SHISA9: variants seen among roughly 807,000 people sequenced by gnomAD.
SHISA9 encodes protein shisa-9.
In SHISA9, 13 loss-of-function variants were observed where a neutral mutation model predicts 38.0. The ratio of observed to expected loss-of-function variants is 0.34; its 90% confidence interval spans 0.22 to 0.54. The LOEUF (loss-of-function observed/expected upper bound fraction) is 0.54. SHISA9 is among the 20% of genes least tolerant of loss of function. The pLI is 0.91. For missense variants in SHISA9, 538 were observed against 575.8 expected (o/e 0.93, Z 0.67); for synonymous variants, 275 against 242.0 (o/e 1.14, Z -1.27).
At chr16:13,534,769 A>G in the SHISA9 span, among the ~76,000 whole-genome samples, 1 of 151,982 alleles carries the variant, frequency 6.6e-6, no homozygotes. Context: ...AAATGTTCCA[A>G]GGTGTAGTCG....
intron 2 of SHISA9, among the ~76,000 whole-genome samples, chr16:13,170,202 CAAAA>C (rs71147788): frequency 2.2e-5 from 2 of 91,990 alleles, no homozygotes. Context: ...GACTCCATCT[CAAAA>C]AAAAAAAAAA....
chr16:13,421,213 G>GACT, the SHISA9 span, among the ~76,000 whole-genome samples: 1 of 151,724 alleles, frequency 6.6e-6, no homozygotes, highest in Non-Finnish European at 1.5e-5. Flanking sequence ...TGTTATTACT[G>GACT]ACAAGTACTT....
chr16:13,476,738 G>GGTTTTTTTTTTTTTTTTTTTTTTTTTTT, the SHISA9 span, among the ~76,000 whole-genome samples: 1 of 65,182 alleles, frequency 1.5e-5, no homozygotes, highest in African/African-American at 5.5e-5. Flanking sequence ...CCTGTTTTGT[G>GGTTTTTTTTTTTTTTTTTTTTTTTTTTT]TTTTTTTTTT....
At chr16:13,437,311 A>G in the SHISA9 span, among the ~76,000 whole-genome samples, 41 of 152,222 alleles carry the variant, frequency 2.7e-4, no homozygotes, top group Admixed American at 2.6e-3. Context: ...CTCCCACTCT[A>G]CCCTGGGGAG....
At chr16:13,109,394 C>T (rs192685369) in intron 2 of SHISA9, among the ~76,000 whole-genome samples, 2 of 152,286 alleles carry the variant, frequency 1.3e-5, no homozygotes, top group Admixed American at 1.3e-4. Context: ...TTTCTCCTTA[C>T]TCACCACCTG....
the SHISA9 span, among the ~76,000 whole-genome samples, chr16:13,459,985 A>G: frequency 6.6e-6 from 1 of 152,116 alleles, no homozygotes; most frequent in Non-Finnish European, 1.5e-5. Flanking sequence ...TCTGCTCACT[A>G]CAAACTCTGC....
the SHISA9 span, among the ~76,000 whole-genome samples, chr16:13,367,651 T>TG: frequency 0.6 from 84,902 of 140,422 alleles, 27,188 homozygotes; most frequent in East Asian, 0.86. Context: ...GCAAGTAGGA[T>TG]GCGGGGGGGA....
chr16:12,970,030 G>T (rs1432081544), intron 2 of SHISA9, among the ~76,000 whole-genome samples: 1 of 151,794 alleles, frequency 6.6e-6, no homozygotes, highest in African/African-American at 2.4e-5. Flanking sequence ...GGGCTTCATG[G>T]ATAGCCCTAA....
chr16:13,075,390 G>A (rs745467155), intron 2 of SHISA9, among the ~76,000 whole-genome samples: 9 of 152,268 alleles, frequency 5.9e-5, no homozygotes, highest in South Asian at 2.1e-4. Flanking sequence ...CCTGAGCCCC[G>A]AAGCCAAGGG....
At chr16:12,960,560 T>G (rs942109049) in intron 2 of SHISA9, among the ~76,000 whole-genome samples, 2 of 152,132 alleles carry the variant, frequency 1.3e-5, no homozygotes, top group Non-Finnish European at 2.9e-5. Flanking sequence ...ATGTGGTACA[T>G]ATACACCATG....
At chr16:13,471,631 G>C in the SHISA9 span, among the ~76,000 whole-genome samples, 1,199 of 152,244 alleles carry the variant, frequency 7.9e-3, 13 homozygotes, top group African/African-American at 0.027. Context: ...AGATCCCTGA[G>C]CAAACATGAA....
chr16:13,394,676 ACT>A, the SHISA9 span, among the ~76,000 whole-genome samples: 1 of 151,968 alleles, frequency 6.6e-6, no homozygotes, highest in Admixed American at 6.6e-5. Context: ...CCTGCAATGT[ACT>A]CTCTTTGTGC....
the SHISA9 span, among the ~76,000 whole-genome samples, chr16:13,448,229 T>C: frequency 6.6e-6 from 1 of 152,154 alleles, no homozygotes; most frequent in Non-Finnish European, 1.5e-5. Flanking sequence ...GGAGGTGTCC[T>C]ATAGAGAGCA....
the SHISA9 span, among the ~76,000 whole-genome samples, chr16:13,492,438 C>T: frequency 8.5e-5 from 13 of 152,132 alleles, no homozygotes; most frequent in African/African-American, 2.4e-4. Flanking sequence ...GAAATCAAAG[C>T]GGGGAAACAA....
chr16:13,418,956 C>T, the SHISA9 span, among the ~76,000 whole-genome samples: 1 of 152,196 alleles, frequency 6.6e-6, no homozygotes, highest in Non-Finnish European at 1.5e-5. Context: ...AACCTTGGGG[C>T]ATTCCCAGAA....
chr16:13,549,362 T>C, the SHISA9 span, among the ~76,000 whole-genome samples: 1 of 152,152 alleles, frequency 6.6e-6, no homozygotes, highest in African/African-American at 2.4e-5. Flanking sequence ...GTGATGGATA[T>C]GGTAAATATG....
intron 2 of SHISA9, among the ~76,000 whole-genome samples, chr16:12,932,241 C>T (rs2071471206): frequency 6.6e-6 from 1 of 152,180 alleles, no homozygotes; most frequent in Non-Finnish European, 1.5e-5. Flanking sequence ...CAAGTAATAA[C>T]ACTCATAGTT....
the SHISA9 span, among the ~76,000 whole-genome samples, chr16:13,474,725 G>A: frequency 1.3e-5 from 2 of 152,232 alleles, no homozygotes; most frequent in Non-Finnish European, 2.9e-5. Context: ...CACTGGGGAA[G>A]GCCTCTCTGA....
At chr16:13,349,015 T>C in the SHISA9 span, among the ~76,000 whole-genome samples, 2 of 152,124 alleles carry the variant, frequency 1.3e-5, no homozygotes. Flanking sequence ...TTGACATTTG[T>C]TCTTTGAAAT....
Sources: allele counts gnomAD v4.1 joint callset (sites outside exome capture counted in the v4.1 genomes callset), GRCh38; gene constraint gnomAD v4.1.1; transcripts MANE v1.5; gene names NCBI Gene and HGNC (gene_info 2026-07-23, HGNC 2026-07-21).